Variants in PLOD1 observed in about 807,000 individuals in gnomAD.
The protein encoded by PLOD1 is lysine hydroxylase.
PLOD1 carries 70 observed loss-of-function variants against 94.7 expected under a neutral mutation model. The ratio of observed to expected loss-of-function variants is 0.74; its 90% confidence interval spans 0.61 to 0.90. PLOD1 has a LOEUF of 0.90. Ranked by LOEUF, PLOD1 falls within the 40% of genes least tolerant of loss-of-function variation. The probability of loss-of-function intolerance (pLI) is 0.00; values close to 1 mark genes in which losing one functional copy is unlikely to be tolerated. For synonymous variants in PLOD1, 417 were observed against 400.2 expected (o/e 1.04, Z -0.50); for missense variants, 905 against 972.7 (o/e 0.93, Z 0.93).
At chr1:11,964,059 G>A (rs2100757547) in intron 11 of PLOD1, 116 bp from the exon 12 acceptor site, 1 of 1,076,576 alleles carries the variant, frequency 9.3e-7, no homozygotes, top group East Asian at 2.4e-5. Context: ...TCAGTGAGGT[G>A]CTTGGGGATC....
At chr1:11,941,394 C>CA (rs1180733157) in intron 1 of PLOD1, among the ~76,000 whole-genome samples, 2 of 151,900 alleles carry the variant, frequency 1.3e-5, no homozygotes, top group Non-Finnish European at 2.9e-5. Context: ...TGCAGTGGCA[C>CA]AATCTTGGCT....
rs201291374 is a variant in PLOD1, at chr1:11,954,853, C to T, written c.603C>T (p.Asp201=). ...AGGAGCAGATCAATATCACCCTGGA[C>T]CACCGCTGCCGTATCTTCCAGAACC... ...EKREQINITL[D]HRCRIFQNLD... Residue 201 remains aspartate, a synonymous_variant, in exon 6 of 19, where the codon GAC becomes GAT. Transcript: ENST00000196061. 1.2e-6 allele frequency: 2 copies of T among 1,613,858 alleles called. No homozygotes were observed. Among genetic ancestry groups the T allele is most frequent in the East Asian group, 2.2e-5 (1 of 44,880 alleles).
rs1455677368 is a variant in PLOD1, at chr1:11,963,761, GCTCCTCTTT to G, written c.1202+132_1202+140del. 7.1e-6 allele frequency: 5 copies of G among 703,882 alleles called. No individual in the cohort carries two copies. The African/African-American group carries it at 7.4e-5, about 10-fold the overall frequency. The allele number at this position is 703,882 out of a possible 1,614,324, so 43.6% of individuals were successfully genotyped here. ...TCTTCCTCCTCTTTTTCCTTCTCCTGCTCCTCTTTCTCCTCCTCGTCTTCCTCCTTGTCT... is the reference window on the plus strand; with the variant it reads ...TCTTCCTCCTCTTTTTCCTTCTCCTGCTCCTCCTCGTCTTCCTCCTTGTCT... On this transcript the variant is annotated intron_variant, in intron 11 of 18. Coordinates refer to ENST00000196061, the MANE Select transcript of PLOD1 (RefSeq NM_000302.4). This position sits in a 1 kb window ranked among gnomAD's most constrained non-coding sequence, Gnocchi z 4.3.
At chr1:11,939,935 T>A (rs1410009051) in intron 1 of PLOD1, among the ~76,000 whole-genome samples, 2 of 152,178 alleles carry the variant, frequency 1.3e-5, no homozygotes, top group Admixed American at 6.5e-5. Flanking sequence ...TTTCTAAATT[T>A]TATTTTTTTG....
chr1:11,944,812 A>G (rs1557483918), intron 1 of PLOD1: 1 of 464,278 alleles, frequency 2.2e-6, no homozygotes, highest in African/African-American at 2.1e-5. Context: ...CCCCTGCCCC[A>G]GCTACCCCTG....
intron 10 of PLOD1, among the ~76,000 whole-genome samples, 180 bp downstream of exon 10, chr1:11,960,947 C>G (rs565820157): frequency 6.6e-6 from 1 of 152,094 alleles, no homozygotes; most frequent in African/African-American, 2.4e-5. Context: ...CTCTGTCCTG[C>G]CAACCCCCGG....
intron 1 of PLOD1, among the ~76,000 whole-genome samples, chr1:11,942,336 A>T (rs1419090116): frequency 6.6e-6 from 1 of 152,150 alleles, no homozygotes; most frequent in Non-Finnish European, 1.5e-5. Flanking sequence ...TGTCTTGGTC[A>T]TGCCCAGTCC....
At chr1:11,967,156 T>C in intron 16 of PLOD1, 65 bp downstream of exon 16, 1 of 1,030,660 alleles carries the variant, frequency 9.7e-7, no homozygotes, top group Non-Finnish European at 1.5e-6. Flanking sequence ...CCGCTCACTG[T>C]CTGGGGTCTT....
chr1:11,934,859 AG>A lies in PLOD1; in HGVS notation c.76+7del. Reference sequence around the variant, plus strand: ...AAGGGCGACGCCAAGCCGGAGGGTGAGGGAGCGAAGGCCGGGGGCGGGAGCG... The same window carrying A: ...AAGGGCGACGCCAAGCCGGAGGGTGAGGAGCGAAGGCCGGGGGCGGGAGCG... On this transcript the variant is annotated splice_donor_5th_base_variant and intron_variant, in intron 1 of 18. Coordinates refer to ENST00000196061, the MANE Select transcript of PLOD1 (RefSeq NM_000302.4). 6.5e-7 allele frequency: 1 copy of A among 1,536,714 alleles called. No individual in the cohort carries two copies.
chr1:11,947,583 C>T (rs1323979909), intron 1 of PLOD1, among the ~76,000 whole-genome samples: 1 of 151,952 alleles, frequency 6.6e-6, no homozygotes, highest in Non-Finnish European at 1.5e-5. Flanking sequence ...AAAATAAAAA[C>T]CAACCAGCTC....
intron 12 of PLOD1, 39 bp from the exon 13 acceptor site, chr1:11,964,605 C>T: frequency 6.2e-7 from 1 of 1,611,332 alleles, no homozygotes; most frequent in African/African-American, 1.3e-5. Flanking sequence ...TCCCCACCAC[C>T]AGCCTCTGAC....
chr1:11,938,462 T>TC (rs200023889), intron 1 of PLOD1, among the ~76,000 whole-genome samples: 2,111 of 152,010 alleles, frequency 0.014, 27 homozygotes, highest in Middle Eastern at 0.027. Flanking sequence ...CCTGCTCAGC[T>TC]CCCCCAGACC....
In PLOD1 at chr1:11,972,648, C is replaced by T. The variant is rs760800619; in HGVS notation, c.1903-224C>T. ...CTTCCTTTCTTCCTTCCCCTCTGTT[C>T]TCTTCCTTCCCTCCCTCTCTCCCCT... On this transcript the variant is annotated intron_variant, in intron 17 of 18. Coordinates refer to ENST00000196061, the MANE Select transcript of PLOD1 (RefSeq NM_000302.4). The surrounding 1 kb of genome is among the most constrained non-coding windows in gnomAD (Gnocchi z 4.6). 8 of 448,878 alleles carry T rather than the reference C, an allele frequency of 1.8e-5. No individual in the cohort carries two copies. The highest frequency in any genetic ancestry group is 8.0e-5 in the African/African-American group (4 of 50,008). The allele number at this position is 448,878 out of a possible 1,614,324, so 27.8% of individuals were successfully genotyped here.
intron 1 of PLOD1, among the ~76,000 whole-genome samples, chr1:11,939,229 G>A (rs1215082336): frequency 1.3e-5 from 2 of 152,092 alleles, no homozygotes; most frequent in African/African-American, 2.4e-5. Context: ...GGGTGGGGCC[G>A]GGTCTGGGGA....
At chr1:11,937,242 G>A (rs1645586299) in intron 1 of PLOD1, among the ~76,000 whole-genome samples, 4 of 152,212 alleles carry the variant, frequency 2.6e-5, no homozygotes, top group South Asian at 4.1e-4. Flanking sequence ...TGCTCTCTGT[G>A]AGGCTTGGTG....
At position 11,963,705 on chromosome 1, in the gene PLOD1, G is replaced by T; in HGVS notation, c.1202+69G>T. On this transcript the variant is annotated intron_variant, in intron 11 of 18. Transcript: ENST00000196061. This position sits in a 1 kb window ranked among gnomAD's most constrained non-coding sequence, Gnocchi z 4.3. ...TGGTCCTGGGGTGGCAGCCCTCCTT[G>T]CCTTCCTCCTCCTCCTCCTCATCCA... The T allele has an allele frequency of 7.5e-6, 7 of 938,594 alleles. No homozygotes were observed. Among genetic ancestry groups the T allele is most frequent in the Non-Finnish European group, 1.2e-5 (7 of 586,834 alleles). 58.1% of individuals were successfully genotyped at this position (938,594 alleles called of 1,614,324 possible).
At chr1:11,944,605 CG>C (rs1645637532) in intron 1 of PLOD1, 2 of 1,364,108 alleles carry the variant, frequency 1.5e-6, no homozygotes, top group East Asian at 4.6e-5. Flanking sequence ...GGCAGGAGCT[CG>C]GGGGAGCCCT....
Position 11,970,615 on chromosome 1 carries a change from G to A in PLOD1, c.1756-55G>A, listed in dbSNP as rs1243123432. The A allele has an allele frequency of 1.9e-6, 3 of 1,577,572 alleles. No individual in the cohort carries two copies. The African/African-American group carries it at 4.0e-5, about 21-fold the overall frequency. ...CGGGTGTAGGAGAGGGGAGTAGACA[G>A]AGCCTGGGGGCCATCCTAGAATTCT... On this transcript the variant is annotated intron_variant, in intron 16 of 18. Coordinates refer to ENST00000196061, the MANE Select transcript of PLOD1 (RefSeq NM_000302.4).
chr1:11,952,285 C>T (rs1014436437), intron 4 of PLOD1, among the ~76,000 whole-genome samples: 2 of 152,260 alleles, frequency 1.3e-5, no homozygotes, highest in Non-Finnish European at 2.9e-5. Context: ...AAAGGGACAC[C>T]AGGCCTGTAT....
Sources: allele counts gnomAD v4.1 joint callset (sites outside exome capture counted in the v4.1 genomes callset), GRCh38; gene constraint gnomAD v4.1.1; non-coding constraint Gnocchi (gnomAD v3.1); transcripts MANE v1.5; gene names NCBI Gene and HGNC (gene_info 2026-07-23, HGNC 2026-07-21).